ATE1: variants seen among roughly 807,000 people sequenced by gnomAD.
ATE1 encodes arginyl-tRNA--protein transferase 1.
Under a neutral mutation model 70.5 loss-of-function variants are expected in ATE1, and 36 were observed. The observed-to-expected ratio is 0.51, with a 90% CI of 0.39 to 0.67. The LOEUF is 0.67. Ranked by LOEUF, ATE1 falls within the 30% of genes least tolerant of loss-of-function variation. The pLI, the probability that ATE1 is intolerant of heterozygous loss-of-function variation, is 0.00. For synonymous variants in ATE1, 232 were observed against 219.3 expected, an observed-to-expected ratio of 1.06 and a Z score of -0.51; for missense variants, 593 against 629.5, an observed-to-expected ratio of 0.94 and a Z score of 0.62.
intron 10 of ATE1, among the ~76,000 whole-genome samples, chr10:121,835,195 G>A (rs1047029850): frequency 6.6e-6 from 1 of 152,016 alleles, no homozygotes; most frequent in African/African-American, 2.4e-5. Context: ...CCAAATTCAG[G>A]GGTTATCTCC....
chr10:121,891,162 T>C (rs1455066465), intron 7 of ATE1, among the ~76,000 whole-genome samples: 1 of 152,138 alleles, frequency 6.6e-6, no homozygotes, highest in Non-Finnish European at 1.5e-5. Context: ...GTCTCCAGTT[T>C]GTGGCAGAAG....
intron 7 of ATE1, among the ~76,000 whole-genome samples, chr10:121,878,450 G>A (rs960620011): frequency 8.6e-5 from 13 of 151,668 alleles, no homozygotes; most frequent in Non-Finnish European, 1.6e-4. Flanking sequence ...AAAATTAGCC[G>A]GCCATGGTGG....
intron 7 of ATE1, among the ~76,000 whole-genome samples, chr10:121,880,707 T>C (rs1163723608): frequency 6.6e-6 from 1 of 152,096 alleles, no homozygotes; most frequent in East Asian, 1.9e-4. Flanking sequence ...AATTAACTAC[T>C]ACTGACTAGA....
At chr10:121,890,564 G>A (rs1469290889) in intron 7 of ATE1, among the ~76,000 whole-genome samples, 1 of 152,104 alleles carries the variant, frequency 6.6e-6, no homozygotes, top group Admixed American at 6.6e-5. Flanking sequence ...AATAAAATTT[G>A]GGAAACAATT....
chr10:121,851,021 G>A (rs1055629982), intron 8 of ATE1, among the ~76,000 whole-genome samples: 12 of 147,330 alleles, frequency 8.1e-5, no homozygotes, highest in African/African-American at 2.3e-4. Flanking sequence ...AACCTGGGAC[G>A]TGGAGCTTGC....
At chr10:121,888,902 A>T (rs1374409987) in intron 7 of ATE1, among the ~76,000 whole-genome samples, 1 of 152,244 alleles carries the variant, frequency 6.6e-6, no homozygotes, top group Non-Finnish European at 1.5e-5. Context: ...TTCTACTTAC[A>T]TTAAGTATAA....
rs745816449 is a variant in ATE1, at chr10:121,899,967, T to C, written c.841A>G (p.Ser281Gly). Reference sequence around the variant, plus strand: ...AGAAGTGTGGCTTTGAACTGCGAACTTGGTGGAGATGATCTCACCACCCTC... The same window carrying C: ...AGAAGTGTGGCTTTGAACTGCGAACCTGGTGGAGATGATCTCACCACCCTC... Reference protein sequence around the residue: ...EVRVVRSSPPSSQFKATLLES... With the variant: ...EVRVVRSSPPGSQFKATLLES... The change falls in exon 7 of 12, where the codon AGT becomes GGT. Residue 281 changes from serine (S) to glycine (G), a missense_variant. Ser to Gly is a moderately conservative substitution (Grantham distance 56). Coordinates refer to ENST00000224652, the MANE Select transcript of ATE1 (RefSeq NM_001001976.3). 2 of 1,613,946 alleles carry C rather than the reference T, an allele frequency of 1.2e-6. No homozygotes were observed. Among genetic ancestry groups the C allele is most frequent in the South Asian group, 2.2e-5 (2 of 91,064 alleles).
At chr10:121,755,193 G>A (rs960162855) in intron 11 of ATE1, among the ~76,000 whole-genome samples, 1 of 152,202 alleles carries the variant, frequency 6.6e-6, no homozygotes, top group African/African-American at 2.4e-5. Flanking sequence ...ACATTACAGG[G>A]AAAATCTGTA....
intron 8 of ATE1, among the ~76,000 whole-genome samples, chr10:121,858,817 C>T (rs930502018): frequency 2.6e-5 from 4 of 151,598 alleles, no homozygotes; most frequent in Non-Finnish European, 4.4e-5. Context: ...ATGTAAGGGC[C>T]GGGCGCGGTG....
At chr10:121,851,090 CAAAAAAAAAAAAAAAAAA>C (rs10603053) in intron 8 of ATE1, among the ~76,000 whole-genome samples, 747 of 43,300 alleles carry the variant, frequency 0.017, 27 homozygotes, top group South Asian at 0.08. Context: ...GACTCCATCT[CAAAAAAAAAAAAAAAAAA>C]AAAAAAAAAA....
At chr10:121,848,982 G>A (rs573785872) in intron 8 of ATE1, among the ~76,000 whole-genome samples, 14 of 151,332 alleles carry the variant, frequency 9.3e-5, no homozygotes, top group Admixed American at 4.6e-4. Context: ...AGGCCGAAGC[G>A]GGCAGATCAC....
In ATE1 at chr10:121,743,111, C is replaced by G. The variant is rs1944200794; in HGVS notation, c.*569G>C. ...TGGATACCTGATGCTAACACAAGCTCCATTTTAATGTTTTATTTTTTCAAG... is the reference window on the plus strand; with the variant it reads ...TGGATACCTGATGCTAACACAAGCTGCATTTTAATGTTTTATTTTTTCAAG... On this transcript the variant is annotated 3_prime_UTR_variant, in exon 12 of 12. Transcript: ENST00000224652. 6.6e-6 allele frequency: 1 copy of G among 152,240 alleles called. No homozygotes were observed. The highest frequency in any genetic ancestry group is 6.5e-5 in the Admixed American group (1 of 15,294). The allele number at this position is 152,240 out of a possible 1,614,324, so 9.4% of individuals were successfully genotyped here.
intron 10 of ATE1, among the ~76,000 whole-genome samples, chr10:121,830,710 G>A (rs1025623312): frequency 6.6e-6 from 1 of 152,082 alleles, no homozygotes; most frequent in Non-Finnish European, 1.5e-5. Flanking sequence ...TCAATATGTT[G>A]TTGAAGACCC....
At chr10:121,882,200 CT>C (rs1034733521) in intron 7 of ATE1, among the ~76,000 whole-genome samples, 3 of 113,230 alleles carry the variant, frequency 2.6e-5, no homozygotes, top group Non-Finnish European at 6.4e-5. Context: ...AATATTACTT[CT>C]TTTTTTATTT....
intron 8 of ATE1, among the ~76,000 whole-genome samples, chr10:121,853,304 C>A (rs1197142600): frequency 2.9e-5 from 4 of 140,054 alleles, no homozygotes; most frequent in African/African-American, 1.1e-4. Context: ...GTGGAGCTTG[C>A]AGTGAGCAGA....
intron 8 of ATE1, among the ~76,000 whole-genome samples, chr10:121,857,736 A>G (rs1949299678): frequency 6.6e-6 from 1 of 152,236 alleles, no homozygotes; most frequent in African/African-American, 2.4e-5. Flanking sequence ...TGTACAGTTT[A>G]GCATCATCAA....
chr10:121,910,857 G>T (rs1951394077), intron 5 of ATE1, 49 bp downstream of exon 5: 1 of 1,610,958 alleles, frequency 6.2e-7, no homozygotes, highest in African/African-American at 1.3e-5. Context: ...AAATGACTCA[G>T]CAAAAAGCAA....
At chr10:121,836,432 A>G (rs1358187553) in intron 10 of ATE1, among the ~76,000 whole-genome samples, 1 of 152,186 alleles carries the variant, frequency 6.6e-6, no homozygotes, top group Non-Finnish European at 1.5e-5. Context: ...TGGGCTACGC[A>G]TACTCAGGAA....
At chr10:121,796,119 T>C (rs1946649362) in intron 10 of ATE1, among the ~76,000 whole-genome samples, 1 of 152,100 alleles carries the variant, frequency 6.6e-6, no homozygotes, top group South Asian at 2.1e-4. Context: ...GGAGAGTTCT[T>C]TCAATCCACA....
Sources: allele counts gnomAD v4.1 joint callset (sites outside exome capture counted in the v4.1 genomes callset), GRCh38; gene constraint gnomAD v4.1.1; transcripts MANE v1.5; gene names NCBI Gene and HGNC (gene_info 2026-07-23, HGNC 2026-07-21).